The following CACNA2D1 variants were observed in gnomAD, a reference collection of about 807,000 sequenced individuals.
The protein encoded by CACNA2D1 is calcium voltage-gated channel auxiliary subunit alpha2delta 1, also known as voltage-dependent calcium channel subunit alpha-2/delta-1.
Under a neutral mutation model 171.5 loss-of-function variants are expected in CACNA2D1, and 53 were observed. The ratio of observed to expected loss-of-function variants is 0.31; its 90% CI spans 0.25 to 0.39. The LOEUF is 0.39. Ranked by LOEUF, CACNA2D1 falls within the 10% of genes least tolerant of loss-of-function variation. The pLI, the probability that CACNA2D1 is intolerant of heterozygous loss-of-function variation, is 1.00. For synonymous variants in CACNA2D1, 442 were observed against 443.1 expected, an observed-to-expected ratio of 1.00 and a Z score of 0.03; for missense variants, 903 against 1,299.8, an observed-to-expected ratio of 0.69 and a Z score of 4.69.
intron 32 of CACNA2D1, 95 bp downstream of exon 32, chr7:81,965,499 C>T (rs1457513073): frequency 1.3e-6 from 1 of 776,226 alleles, no homozygotes; most frequent in South Asian, 1.4e-5. Context: ...AATAAAACAA[C>T]TCATCGATTT....
chr7:82,373,345 C>T (rs1466111427), intron 1 of CACNA2D1, among the ~76,000 whole-genome samples: 2 of 152,160 alleles, frequency 1.3e-5, no homozygotes, highest in African/African-American at 4.8e-5. Context: ...ATATGTTTCT[C>T]ATCCTTTAAG....
chr7:82,388,386 G>A (rs1038592398), intron 1 of CACNA2D1, among the ~76,000 whole-genome samples: 6 of 152,166 alleles, frequency 3.9e-5, no homozygotes, highest in African/African-American at 1.2e-4. Flanking sequence ...TTTTGACCAC[G>A]AATGCTCTTT....
chr7:81,974,050 C>A (rs1049497617), intron 25 of CACNA2D1, among the ~76,000 whole-genome samples: 2 of 151,754 alleles, frequency 1.3e-5, no homozygotes, highest in African/African-American at 4.8e-5. Context: ...GGTTTTTATT[C>A]TACCCATATT....
chr7:82,175,886 C>T (rs1242029730), intron 3 of CACNA2D1, among the ~76,000 whole-genome samples: 1 of 151,860 alleles, frequency 6.6e-6, no homozygotes, highest in Non-Finnish European at 1.5e-5. Flanking sequence ...TATGTCAGAA[C>T]TATAATCACC....
At position 82,076,070 on chromosome 7, in the gene CACNA2D1, G is replaced by T. The variant is rs1808931127; in HGVS notation, c.658+8699C>A. Reference sequence around the variant, plus strand: ...AAAATCAATCATTTAGTCAGTTTAGGTATGACTGCATCCTTGGTTGACCAT... The same window carrying T: ...AAAATCAATCATTTAGTCAGTTTAGTTATGACTGCATCCTTGGTTGACCAT... On this transcript the variant is annotated intron_variant, in intron 7 of 38. Coordinates refer to ENST00000356860, the MANE Select transcript of CACNA2D1 (RefSeq NM_000722.4). Among the ~76,000 whole-genome samples, 2 of 152,020 alleles carry T rather than the reference G, an allele frequency of 1.3e-5. 1 individual carries two copies. Among genetic ancestry groups the T allele is most frequent in the African/African-American group, 4.8e-5 (2 of 41,402 alleles).
intron 3 of CACNA2D1, among the ~76,000 whole-genome samples, chr7:82,220,027 G>C (rs931949318): frequency 6.6e-6 from 1 of 151,998 alleles, no homozygotes; most frequent in African/African-American, 2.4e-5. Context: ...AGAAAGTATA[G>C]CTTTTGACAA....
intron 3 of CACNA2D1, among the ~76,000 whole-genome samples, chr7:82,329,848 C>A (rs4732441): frequency 0.18 from 27,107 of 151,974 alleles, 2,475 homozygotes; most frequent in South Asian, 0.28. Flanking sequence ...TAGAGGGGAA[C>A]AAACTGGATT....
chr7:82,141,518 A>G (rs538087963), intron 4 of CACNA2D1, among the ~76,000 whole-genome samples: 3 of 152,114 alleles, frequency 2.0e-5, no homozygotes, highest in African/African-American at 4.8e-5. Flanking sequence ...TGGGGTTTCA[A>G]CAACAATCGG....
intron 1 of CACNA2D1, among the ~76,000 whole-genome samples, chr7:82,385,904 A>T (rs937013453): frequency 1.3e-5 from 2 of 152,124 alleles, no homozygotes; most frequent in African/African-American, 4.8e-5. Flanking sequence ...ACCTCAAGTG[A>T]TCCACCTGCC....
At chr7:82,030,535 C>A (rs561768351) in intron 12 of CACNA2D1, among the ~76,000 whole-genome samples, 47 of 151,776 alleles carry the variant, frequency 3.1e-4, no homozygotes, top group Middle Eastern at 6.8e-3. Flanking sequence ...ATATCTCATG[C>A]ACAAATTTGA....
chr7:81,983,399 G>A (rs1796636272), intron 22 of CACNA2D1, 65 bp from the exon 23 acceptor site: 1 of 1,172,940 alleles, frequency 8.5e-7, no homozygotes, highest in Non-Finnish European at 1.3e-6. Flanking sequence ...AGCAAAGGGG[G>A]TCATAAACAA....
intron 3 of CACNA2D1, among the ~76,000 whole-genome samples, chr7:82,301,154 T>C (rs1311491156): frequency 6.6e-6 from 1 of 152,180 alleles, no homozygotes; most frequent in African/African-American, 2.4e-5. Context: ...GGGATGGAGT[T>C]TCACTCTTGT....
At chr7:82,179,375 G>C (rs948881942) in intron 3 of CACNA2D1, among the ~76,000 whole-genome samples, 66 of 152,078 alleles carry the variant, frequency 4.3e-4, no homozygotes, top group African/African-American at 1.6e-3. Flanking sequence ...TAATACTATA[G>C]TCCTGCTGAT....
At chr7:82,276,943 T>C (rs1329189767) in intron 3 of CACNA2D1, among the ~76,000 whole-genome samples, 1 of 151,940 alleles carries the variant, frequency 6.6e-6, no homozygotes, top group Admixed American at 6.6e-5. Flanking sequence ...GAGATAGGGT[T>C]CACCATGTTG....
chr7:82,165,106 T>A lies in CACNA2D1; in HGVS notation c.354+5444A>T, dbSNP rs1016480957. ...CAATAATTTAGCACTATTTTCATCA[T>A]CTCAATCCCAGGATATTGAAGCAGC... On this transcript the variant is annotated intron_variant, in intron 4 of 38. Coordinates refer to ENST00000356860, the MANE Select transcript of CACNA2D1 (RefSeq NM_000722.4). Among the ~76,000 whole-genome samples, 9 of 152,066 alleles carry A rather than the reference T, an allele frequency of 5.9e-5. No individual in the cohort carries two copies. The East Asian group carries it at 1.8e-3, about 30-fold the overall frequency.
In CACNA2D1 at chr7:82,032,892, A is replaced by C. The variant is rs767503893; in HGVS notation, c.1048T>G (p.Ser350Ala). ...AFEQLLNYNV[S>A]RANCNKIIML... is the part of the protein sequence containing the mutation. The stretch of plus-strand genomic sequence containing the variant: ...ATAATCTTATTGCAGTTTGCTCTGG[A>C]AACATTATACTGTTAAAAACAAAAC... Residue 350 changes from serine (S) to alanine (A), a missense_variant, in exon 12 of 39, where the codon TCC (serine) becomes GCC (alanine). By Grantham distance (99) the Ser-to-Ala change is moderately conservative (BLOSUM62 1). Transcript: ENST00000356860. The C allele has an allele frequency of 6.3e-7, 1 of 1,579,486 alleles. No individual in the cohort carries two copies. The highest frequency in any genetic ancestry group is 8.7e-7 in the Non-Finnish European group (1 of 1,149,780).
intron 4 of CACNA2D1, among the ~76,000 whole-genome samples, chr7:82,153,291 C>T (rs1330378733): frequency 2.0e-5 from 3 of 151,708 alleles, no homozygotes; most frequent in African/African-American, 7.3e-5. Context: ...AGAATTAAAA[C>T]TGAGATAAAA....
chr7:81,990,242 G>A (rs1584313123), intron 21 of CACNA2D1, among the ~76,000 whole-genome samples: 2 of 152,282 alleles, frequency 1.3e-5, no homozygotes, highest in East Asian at 3.9e-4. Flanking sequence ...ATTGGGAGAA[G>A]TATTTAGAAA....
At chr7:82,002,671 C>T (rs1398033526) in intron 18 of CACNA2D1, among the ~76,000 whole-genome samples, 4 of 152,042 alleles carry the variant, frequency 2.6e-5, no homozygotes, top group African/African-American at 7.2e-5. Context: ...TAGACCTAAC[C>T]TGGCTACTTC....
Sources: gnomAD v4.1 joint callset for allele counts (sites outside exome capture counted in the v4.1 genomes callset) on GRCh38, gnomAD v4.1.1 for gene constraint, MANE v1.5 for transcripts, NCBI Gene and HGNC (gene_info 2026-07-23, HGNC 2026-07-21) for gene names.